The following DRC7 variants were observed in gnomAD, a reference collection of about 807,000 sequenced individuals.
The protein encoded by DRC7 is dynein regulatory complex subunit 7.
DRC7 carries 80 observed loss-of-function variants against 104.4 expected under a neutral mutation model. The ratio of observed to expected loss-of-function variants is 0.77; its 90% confidence interval spans 0.64 to 0.92. The LOEUF (loss-of-function observed/expected upper bound fraction) is 0.92, where lower values mean the gene tolerates loss of function less well. Ranked by LOEUF, DRC7 falls within the 40% of genes least tolerant of loss-of-function variation. DRC7 has a pLI of 0.00. For synonymous variants in DRC7, 405 were observed against 447.3 expected (o/e 0.91, Z 1.19); for missense variants, 1,034 against 1,141.1 (o/e 0.91, Z 1.35).
At position 57,721,725 on chromosome 16, in the gene DRC7, A is replaced by G; in HGVS notation, c.1265A>G (p.Glu422Gly). ...DMPHSWVEQI[E>G]ISPEAFETRC... ...CCCCACTCGTGGGTGGAGCAGATTG[A>G]GATCTCCCCGGAAGGTATTTTCTAT... The change falls in exon 10 of 19, where the codon GAG (glutamate) becomes GGG (glycine). Residue 422 changes from glutamate to glycine, a missense_variant. Coordinates refer to ENST00000360716, the MANE Select transcript of DRC7 (RefSeq NM_001289162.2). 1 of 1,613,532 alleles carries G rather than the reference A, an allele frequency of 6.2e-7. No homozygotes were observed. Among genetic ancestry groups the G allele is most frequent in the Non-Finnish European group, 8.5e-7 (1 of 1,179,556 alleles).
At chr16:57,730,886 G>T (rs779686372) in intron 17 of DRC7, 45 bp from the exon 18 acceptor site, 1 of 1,605,054 alleles carries the variant, frequency 6.2e-7, no homozygotes, top group Non-Finnish European at 8.5e-7. Flanking sequence ...CTGGGTGAAG[G>T]TCAGCCTTGT....
intron 8 of DRC7, chr16:57,714,120 C>T (rs180976712): frequency 3.4e-5 from 6 of 178,748 alleles, no homozygotes; most frequent in East Asian, 1.5e-4. Context: ...CTGTTGCTAC[C>T]GCCATCACAC....
intron 10 of DRC7, 55 bp downstream of exon 10, chr16:57,721,794 C>T: frequency 7.1e-7 from 1 of 1,408,924 alleles, no homozygotes; most frequent in Non-Finnish European, 1.0e-6. Flanking sequence ...CCTGGGCCTC[C>T]AGAGAGGTCT....
intron 8 of DRC7, among the ~76,000 whole-genome samples, chr16:57,717,391 T>G (rs1244748040): frequency 2.9e-5 from 4 of 135,670 alleles, no homozygotes; most frequent in Non-Finnish European, 4.6e-5. Flanking sequence ...CATAACACCA[T>G]GCACTGGCTT....
chr16:57,723,249 C>A, intron 12 of DRC7, 119 bp downstream of exon 12: 1 of 1,250,216 alleles, frequency 8.0e-7, no homozygotes, highest in Non-Finnish European at 1.1e-6. Flanking sequence ...GGTTCTTGGG[C>A]AGCAAGCAGT....
chr16:57,720,366 G>T (rs560902645), intron 9 of DRC7, among the ~76,000 whole-genome samples: 1 of 152,272 alleles, frequency 6.6e-6, no homozygotes, highest in Non-Finnish European at 1.5e-5. Context: ...ATCTCAAAAG[G>T]GTGCTAAATG....
chr16:57,718,276 A>G (rs2048865691), intron 8 of DRC7, 71 bp from the exon 9 acceptor site: 1 of 1,563,542 alleles, frequency 6.4e-7, no homozygotes. Flanking sequence ...CCATCTCCCA[A>G]CTCCCCATGG....
chr16:57,705,925 T>C (rs1438700257), intron 7 of DRC7, among the ~76,000 whole-genome samples: 2 of 122,590 alleles, frequency 1.6e-5, no homozygotes, highest in African/African-American at 3.2e-5. Flanking sequence ...CATTCTCCCA[T>C]CCATCCTCTC....
At chr16:57,700,056 G>A (rs2048640391) in intron 4 of DRC7, 89 bp from the exon 5 acceptor site, 1 of 1,480,126 alleles carries the variant, frequency 6.8e-7, no homozygotes, top group Non-Finnish European at 9.2e-7. Flanking sequence ...GGCCTCTAGG[G>A]TCCCCCTGTG....
At chr16:57,709,103 T>C (rs1720296501) in intron 8 of DRC7, among the ~76,000 whole-genome samples, 1 of 142,982 alleles carries the variant, frequency 7.0e-6, no homozygotes, top group African/African-American at 2.6e-5. Flanking sequence ...CACTCCAGCC[T>C]GGGCGACAAA....
rs367698634 is a variant in DRC7 at position 57,699,899 on chromosome 16, C to T, written c.379-246C>T. On this transcript the variant is annotated intron_variant, in intron 4 of 18. Transcript: ENST00000360716. ...ATCCAGAATATGCTTGTGCTGTCTC[C>T]GGGTGCTGGCAACATGATAAGGGCC... Among the ~76,000 whole-genome samples the T allele has an allele frequency of 1.9e-3, 293 of 152,290 alleles. 1 individual carries two copies. The highest frequency in any genetic ancestry group is 6.7e-3 in the African/African-American group (277 of 41,572).
At chr16:57,707,860 G>T (rs1199229368) in intron 8 of DRC7, 182 bp downstream of exon 8, 2 of 620,052 alleles carry the variant, frequency 3.2e-6, no homozygotes, top group South Asian at 3.8e-5. Flanking sequence ...ATTCTGATAC[G>T]ATTATTGTCT....
intron 13 of DRC7, among the ~76,000 whole-genome samples, chr16:57,725,039 T>C (rs954715286): frequency 1.3e-5 from 2 of 152,106 alleles, no homozygotes; most frequent in East Asian, 3.8e-4. Context: ...GGGTAATTTA[T>C]AAAGAAAAGA....
chr16:57,705,435 A>C (rs1224021007), intron 7 of DRC7, among the ~76,000 whole-genome samples: 6 of 142,362 alleles, frequency 4.2e-5, no homozygotes, highest in Admixed American at 6.9e-5. Flanking sequence ...CCATCCTCCC[A>C]TCCATCCTCT....
chr16:57,697,857 G>A (rs1201611005), intron 2 of DRC7, 56 bp from the exon 3 acceptor site: 8 of 1,529,296 alleles, frequency 5.2e-6, no homozygotes, highest in Non-Finnish European at 7.0e-6. Flanking sequence ...GATGGTGTTG[G>A]TGGCTCCTGC....
rs1464874075 is a variant in DRC7, at chr16:57,731,341, G to A, written c.*83G>A. ...CTGGCTCCTGTGTTCCCTCTATCCA[G>A]CCAATGCCTGTTTACACAGACACCT... is the stretch of plus-strand genomic sequence containing the variant. On this transcript the variant is annotated 3_prime_UTR_variant, in exon 19 of 19. Coordinates refer to ENST00000360716, the MANE Select transcript of DRC7 (RefSeq NM_001289162.2). 9 of 1,075,024 alleles carry A rather than the reference G, an allele frequency of 8.4e-6. No homozygotes were observed. Among genetic ancestry groups the A allele is most frequent in the African/African-American group, 7.8e-5 (5 of 63,756 alleles). 66.6% of individuals were successfully genotyped at this position (1,075,024 alleles called of 1,614,324 possible).
chr16:57,710,480 C>T lies in DRC7; in HGVS notation c.1077+2802C>T, dbSNP rs150742173. Reference sequence around the variant, plus strand: ...ATAAAAACAGTTTTACTTCTTTTCCCATCTGGATGCTTTTCTTCCCTTATC... The same window carrying T: ...ATAAAAACAGTTTTACTTCTTTTCCTATCTGGATGCTTTTCTTCCCTTATC... On this transcript the variant is annotated intron_variant, in intron 8 of 18. Transcript: ENST00000360716. Among the ~76,000 whole-genome samples, 761 of 152,240 alleles carry T rather than the reference C, an allele frequency of 5.0e-3. 6 individuals are homozygous for T. Among genetic ancestry groups the T allele is most frequent in the African/African-American group, 0.016 (659 of 41,536 alleles).
At chr16:57,715,416 C>A (rs1190032460) in intron 8 of DRC7, among the ~76,000 whole-genome samples, 1 of 152,136 alleles carries the variant, frequency 6.6e-6, no homozygotes, top group Non-Finnish European at 1.5e-5. Context: ...GTCAGAGGGG[C>A]GACTGCCAGC....
chr16:57,698,031 A>G lies in DRC7; in HGVS notation c.82A>G (p.Met28Val), dbSNP rs759462540. The change falls in exon 3 of 19, where the codon ATG becomes GTG. Residue 28 changes from methionine (M) to valine (V), a missense_variant. Met to Val is a conservative substitution (Grantham distance 21). Transcript: ENST00000360716. Reference protein sequence around the residue: ...EAAEWAEWARMEKMMRPVEVR... With the variant: ...EAAEWAEWARVEKMMRPVEVR... The stretch of plus-strand genomic sequence containing the variant: ...GGCCGAGTGGGCTGAATGGGCGAGG[A>G]TGGAGAAAATGATGAGGCCAGTTGA... The G allele has an allele frequency of 1.2e-6, 2 of 1,613,976 alleles. No homozygotes were observed. Among genetic ancestry groups the G allele is most frequent in the Admixed American group, 3.3e-5 (2 of 60,012 alleles).
Sources: gnomAD v4.1 joint callset for allele counts (sites outside exome capture counted in the v4.1 genomes callset) on GRCh38, gnomAD v4.1.1 for gene constraint, MANE v1.5 for transcripts, NCBI Gene and HGNC (gene_info 2026-07-23, HGNC 2026-07-21) for gene names.